Variants in CPNE4 observed in about 807,000 individuals in gnomAD.
CPNE4 encodes copine 4, also known as copine-4.
A neutral mutation model predicts 67.9 loss-of-function variants in CPNE4; 25 were observed. The ratio of observed to expected loss-of-function variants is 0.37; its 90% CI spans 0.27 to 0.51. CPNE4 has a LOEUF of 0.51. Among genes scored for constraint, CPNE4 ranks in the 20% least tolerant of loss-of-function variants. CPNE4 has a pLI of 0.93. For missense variants in CPNE4, 464 were observed against 690.8 expected (o/e 0.67, Z 3.68); for synonymous variants, 242 against 244.9 (o/e 0.99, Z 0.11).
chr3:131,815,594 A>C (rs1020084981), intron 2 of CPNE4, among the ~76,000 whole-genome samples: 1 of 152,206 alleles, frequency 6.6e-6, no homozygotes, highest in African/African-American at 2.4e-5. Flanking sequence ...ATATGTAAGT[A>C]AGTCCAAGCT....
At chr3:132,001,858 T>G (rs770924605) in intron 1 of CPNE4, among the ~76,000 whole-genome samples, 8 of 152,146 alleles carry the variant, frequency 5.3e-5, no homozygotes, top group Non-Finnish European at 8.8e-5. Flanking sequence ...CTTTGCTCAG[T>G]GTAATAAATC....
At chr3:131,563,469 C>T (rs1354370541) in intron 11 of CPNE4, among the ~76,000 whole-genome samples, 1 of 151,970 alleles carries the variant, frequency 6.6e-6, no homozygotes. Flanking sequence ...GCAAGATACT[C>T]CTTACAGGGA....
At chr3:131,771,061 C>A (rs1051349812) in intron 2 of CPNE4, among the ~76,000 whole-genome samples, 1 of 152,114 alleles carries the variant, frequency 6.6e-6, no homozygotes, top group Non-Finnish European at 1.5e-5. Context: ...TTTATATATG[C>A]CTATTTGTTA....
Position 132,001,611 on chromosome 3 carries a change from G to GAA in CPNE4, c.-2+32954_-2+32955dup, listed in dbSNP as rs1262915884. Among the ~76,000 whole-genome samples, 499 of 146,082 alleles carry GAA rather than the reference G, an allele frequency of 3.4e-3. 6 individuals carry two copies. The highest frequency in any genetic ancestry group is 0.012 in the African/African-American group (473 of 38,288). On this transcript the variant is annotated intron_variant, in intron 1 of 15. Coordinates refer to ENST00000429747, the MANE Select transcript of CPNE4 (RefSeq NM_130808.3). ...AGAAAGAAAGAAAGAAAGAAAGAAA[G>GAA]AAAGAAAATGAAGAGGAAGAGGAGA...
chr3:131,554,028 G>C (rs1028562075), intron 12 of CPNE4, among the ~76,000 whole-genome samples: 1 of 152,016 alleles, frequency 6.6e-6, no homozygotes, highest in African/African-American at 2.4e-5. Flanking sequence ...TCCAGGAAGG[G>C]AACCAAAAAG....
intron 1 of CPNE4, among the ~76,000 whole-genome samples, chr3:132,006,495 G>C (rs544729321): frequency 2.0e-5 from 3 of 152,230 alleles, no homozygotes; most frequent in East Asian, 1.9e-4. Flanking sequence ...GACATTTTGA[G>C]AGAAGTTTAC....
intron 7 of CPNE4, among the ~76,000 whole-genome samples, chr3:131,601,459 T>C (rs1939202917): frequency 6.6e-6 from 1 of 152,158 alleles, no homozygotes; most frequent in African/African-American, 2.4e-5. Context: ...CACCAAGGGT[T>C]GTCTGGGAGT....
intron 1 of CPNE4, among the ~76,000 whole-genome samples, chr3:131,906,520 G>C (rs1030865624): frequency 1.3e-5 from 2 of 149,838 alleles, no homozygotes; most frequent in African/African-American, 4.9e-5. Flanking sequence ...TTTTGTTCTT[G>C]CGATAGTTTA....
intron 1 of CPNE4, among the ~76,000 whole-genome samples, chr3:131,950,762 G>T (rs377487052): frequency 6.6e-6 from 1 of 152,106 alleles, no homozygotes; most frequent in Non-Finnish European, 1.5e-5. Context: ...TATTCAAAAC[G>T]TGTGTACCTA....
intron 1 of CPNE4, among the ~76,000 whole-genome samples, chr3:131,979,628 A>T (rs2072852582): frequency 6.6e-6 from 1 of 152,146 alleles, no homozygotes; most frequent in Non-Finnish European, 1.5e-5. Context: ...GTGACTTTTT[A>T]TCCATTCTGC....
chr3:131,593,318 G>A (rs1426305124), intron 7 of CPNE4, among the ~76,000 whole-genome samples: 1 of 152,022 alleles, frequency 6.6e-6, no homozygotes, highest in African/African-American at 2.4e-5. Flanking sequence ...ATTTATTTGT[G>A]TATTCTTTGA....
intron 2 of CPNE4, among the ~76,000 whole-genome samples, chr3:131,824,913 T>G (rs191005888): frequency 6.6e-5 from 10 of 152,210 alleles, no homozygotes; most frequent in Non-Finnish European, 8.8e-5. Flanking sequence ...TCTTGAAGTC[T>G]TAAAGGAACT....
chr3:131,878,717 C>T (rs1277534699), intron 2 of CPNE4, among the ~76,000 whole-genome samples: 3 of 152,110 alleles, frequency 2.0e-5, no homozygotes, highest in Non-Finnish European at 4.4e-5. Context: ...ATTCTTAACC[C>T]GTTTGCTATA....
At chr3:131,713,315 A>G (rs79080587) in intron 3 of CPNE4, among the ~76,000 whole-genome samples, 22,258 of 152,088 alleles carry the variant, frequency 0.15, 2,104 homozygotes, top group African/African-American at 0.26. Context: ...AATTAAATAC[A>G]GTTGTTTTCC....
At chr3:131,919,719 T>C (rs994474286) in intron 1 of CPNE4, among the ~76,000 whole-genome samples, 74 of 152,292 alleles carry the variant, frequency 4.9e-4, no homozygotes, top group African/African-American at 1.7e-3. Context: ...GTGGCAGAAA[T>C]AGCGTCAACC....
chr3:131,955,421 T>TTTTTTTTTTTTG (rs2071927952), intron 1 of CPNE4, among the ~76,000 whole-genome samples: 1 of 132,264 alleles, frequency 7.6e-6, no homozygotes, highest in African/African-American at 2.9e-5. Flanking sequence ...TTTTTTTTTT[T>TTTTTTTTTTTTG]TTTTTTTTTT....
intron 12 of CPNE4, among the ~76,000 whole-genome samples, chr3:131,553,036 T>C (rs1936267764): frequency 1.3e-5 from 2 of 152,094 alleles, no homozygotes; most frequent in Admixed American, 6.6e-5. Context: ...ACTCTACTTT[T>C]GGAAACATAG....
chr3:131,986,603 T>C (rs772632374), intron 1 of CPNE4, among the ~76,000 whole-genome samples: 20 of 152,022 alleles, frequency 1.3e-4, no homozygotes, highest in Admixed American at 5.2e-4. Context: ...TTGTGCAACA[T>C]AGAACTTAAG....
chr3:131,669,798 G>A (rs73218422), intron 6 of CPNE4, 34 bp from the exon 7 acceptor site: 57,538 of 1,492,034 alleles, frequency 0.039, 1,422 homozygotes, highest in East Asian at 0.097. Flanking sequence ...GTGAGTGGGG[G>A]AGAAATGCTT....
Sources: gnomAD v4.1 joint callset for allele counts (sites outside exome capture counted in the v4.1 genomes callset) on GRCh38, gnomAD v4.1.1 for gene constraint, MANE v1.5 for transcripts, NCBI Gene and HGNC (gene_info 2026-07-23, HGNC 2026-07-21) for gene names.